The following GCM1 variants were observed in gnomAD, a reference collection of about 807,000 sequenced individuals.
GCM1 encodes the protein GCM transcription factor 1.
GCM1 carries 2 observed loss-of-function variants against 25.7 expected under a neutral mutation model. The observed-to-expected ratio is 0.08, with a 90% CI of 0.03 to 0.24. The LOEUF (loss-of-function observed/expected upper bound fraction) is 0.24. Ranked by LOEUF, GCM1 falls within the 10% of genes least tolerant of loss-of-function variation. The pLI, the probability that GCM1 is intolerant of heterozygous loss-of-function variation, is 1.00. For synonymous variants in GCM1, 183 were observed against 195.7 expected (o/e 0.94, Z 0.54); for missense variants, 395 against 538.7 (o/e 0.73, Z 2.64).
At chr6:53,132,174 A>T (rs915667686) in intron 3 of GCM1, 55 bp from the exon 4 acceptor site, 22 of 1,094,298 alleles carry the variant, frequency 2.0e-5, no homozygotes, top group Non-Finnish European at 2.8e-5. Flanking sequence ...TCGGTTGTTG[A>T]CTCCTGTGCA....
At chr6:53,138,218 A>T (rs1179878738) in intron 2 of GCM1, among the ~76,000 whole-genome samples, 1 of 145,108 alleles carries the variant, frequency 6.9e-6, no homozygotes, top group African/African-American at 2.5e-5. Context: ...GGAGGCAGAG[A>T]TTGCAGTGAG....
intron 2 of GCM1, 116 bp from the exon 3 acceptor site, chr6:53,134,440 C>T: frequency 4.1e-6 from 4 of 973,852 alleles, no homozygotes; most frequent in African/African-American, 1.6e-5. Context: ...GGCAAGAGAC[C>T]TTTGGCAAAA....
chr6:53,139,320 C>T lies in GCM1; in HGVS notation c.76-4996G>A, dbSNP rs1763841836. ...ACTGGAAATAAAACTCCAAGTGTTA[C>T]CAAGGAAAAAAATTGAATTCAACAA... is the stretch of plus-strand genomic sequence containing the variant. On this transcript the variant is annotated intron_variant, in intron 2 of 5. Transcript: ENST00000259803. Among the ~76,000 whole-genome samples the T allele has an allele frequency of 2.0e-5, 3 of 151,928 alleles. 1 individual carries two copies. The South Asian group carries it at 6.2e-4, about 32-fold the overall frequency.
At position 53,128,924 on chromosome 6, in the gene GCM1, C is replaced by T; in HGVS notation, c.593G>A (p.Ser198Asn). ...ETRSLPGETQ[S>N]QGSLPLTWSF... The stretch of plus-strand genomic sequence containing the variant: ...CCAAGTTAAAGGTAAACTCCCCTGA[C>T]TTTGTGTTTCACCTGGAAGAGACTG... Residue 198 changes from serine (S) to asparagine (N), a missense_variant, in exon 6 of 6, where the codon AGT becomes AAT. Ser to Asn is a conservative substitution (Grantham distance 46). Transcript: ENST00000259803. 1 of 1,613,484 alleles carries T rather than the reference C, an allele frequency of 6.2e-7. No homozygotes were observed. Among genetic ancestry groups the T allele is most frequent in the Non-Finnish European group, 8.5e-7 (1 of 1,179,610 alleles).
Position 53,134,288 on chromosome 6 carries a change from C to G in GCM1, c.112G>C (p.Asp38His). 1 of 1,613,876 alleles carries G rather than the reference C, an allele frequency of 6.2e-7. No homozygotes were observed. ...CTGTAGATGTGTTTGGCATAGGAAT[C>G]TGGCCACTCCTGGAACCAGTCGGTT... ...KKTDWFQEWP[D>H]SYAKHIYSSE... The change falls in exon 3 of 6, where the codon GAT (aspartate) becomes CAT (histidine). Residue 38 changes from aspartate to histidine, a missense_variant. This residue lies in a region of GCM1 where 44 missense variants were observed against 60.8 expected (regional missense o/e 0.72). Transcript: ENST00000259803.
At chr6:53,129,461 A>G (rs1373028248) in intron 5 of GCM1, among the ~76,000 whole-genome samples, 1 of 151,992 alleles carries the variant, frequency 6.6e-6, no homozygotes. Context: ...TTCAGTAGAG[A>G]TGGGGTTTTG....
At chr6:53,138,884 T>C (rs1159703583) in intron 2 of GCM1, among the ~76,000 whole-genome samples, 1 of 152,234 alleles carries the variant, frequency 6.6e-6, no homozygotes, top group Non-Finnish European at 1.5e-5. Context: ...ACACCCTTCA[T>C]ACTCACCTCA....
At chr6:53,141,612 G>A (rs536985038) in intron 2 of GCM1, among the ~76,000 whole-genome samples, 2 of 152,166 alleles carry the variant, frequency 1.3e-5, no homozygotes, top group South Asian at 2.1e-4. Context: ...GTGTGAACCC[G>A]GGAGGTGGAG....
In GCM1 at chr6:53,128,714, A is replaced by C; in HGVS notation, c.803T>G (p.Leu268Trp). 1.2e-6 allele frequency: 2 copies of C among 1,614,142 alleles called. No individual in the cohort carries two copies. Among genetic ancestry groups the C allele is most frequent in the Non-Finnish European group, 1.7e-6 (2 of 1,179,976 alleles). Residue 268 changes from leucine to tryptophan, a missense_variant, in exon 6 of 6, where the codon TTG becomes TGG. Leu to Trp is a moderately conservative substitution (Grantham distance 61, BLOSUM62 -2). Coordinates refer to ENST00000259803, the MANE Select transcript of GCM1 (RefSeq NM_003643.4). The stretch of plus-strand genomic sequence containing the variant: ...ACTACTGTAGGTTCTGCTACTGGAC[A>C]ATTTGCGCTTTTCATAGAGCTTCAT... Reference protein sequence around the residue: ...DPMKLYEKRKLSSSRTYSSGD... With the variant: ...DPMKLYEKRKWSSSRTYSSGD...
chr6:53,140,587 G>A (rs954517569), intron 2 of GCM1, among the ~76,000 whole-genome samples: 2 of 151,254 alleles, frequency 1.3e-5, no homozygotes, highest in Non-Finnish European at 2.9e-5. Flanking sequence ...ATGGCTTGGG[G>A]TGGCTTTGGC....
rs1387102578 is a variant in GCM1 at position 53,130,776 on chromosome 6, T to G, written c.570+27A>C. Reference sequence around the variant, plus strand: ...CACAGGCGTGGCAAGCTACTGCATGTATTGAACATACATAATGAAGGATTA... The same window carrying G: ...CACAGGCGTGGCAAGCTACTGCATGGATTGAACATACATAATGAAGGATTA... On this transcript the variant is annotated intron_variant, in intron 5 of 5. Coordinates refer to ENST00000259803, the MANE Select transcript of GCM1 (RefSeq NM_003643.4). The G allele has an allele frequency of 1.9e-6, 3 of 1,605,486 alleles. No homozygotes were observed. The Admixed American group carries it at 5.1e-5, about 27-fold the overall frequency.
chr6:53,128,774 G>C lies in GCM1; in HGVS notation c.743C>G (p.Thr248Arg). The C allele has an allele frequency of 1.2e-6, 2 of 1,613,164 alleles. No homozygotes were observed. The highest frequency in any genetic ancestry group is 1.7e-6 in the Non-Finnish European group (2 of 1,179,064). Residue 248 changes from threonine to arginine, a missense_variant, in exon 6 of 6, where the codon ACA becomes AGA. Physicochemically the swap from Thr to Arg is moderately conservative, Grantham distance 71 (BLOSUM62 -1). Around this residue, in one of 5 missense-constraint regions of GCM1, gnomAD observed 291 missense variants for 314.6 expected, o/e 0.92. Coordinates refer to ENST00000259803, the MANE Select transcript of GCM1 (RefSeq NM_003643.4). ...AGTGGAAGTCTGGTCAGTCAGATCT[G>C]TGATTCCTCCCAGACCATAACTCTT... ...FSKSYGLGGI[T>R]DLTDQTSTVD...
chr6:53,137,814 C>G (rs1285795073), intron 2 of GCM1, among the ~76,000 whole-genome samples: 1 of 152,130 alleles, frequency 6.6e-6, no homozygotes, highest in Non-Finnish European at 1.5e-5. Context: ...TTAGGCTGGT[C>G]AGAGCCATAG....
At chr6:53,129,489 G>T (rs905950360) in intron 5 of GCM1, among the ~76,000 whole-genome samples, 1 of 152,170 alleles carries the variant, frequency 6.6e-6, no homozygotes, top group African/African-American at 2.4e-5. Flanking sequence ...GGCCAGGCTG[G>T]TCTCGAACTC....
Position 53,128,207 on chromosome 6 carries a change from C to A in GCM1, c.1310G>T (p.Ter437LeuextTer27). ...GGTGCACATAGTGAAAGATTTGGGTCATCTCAAAGGACACAGGTTCAGAAG... is the reference window on the plus strand; with the variant it reads ...GGTGCACATAGTGAAAGATTTGGGTAATCTCAAAGGACACAGGTTCAGAAG... ...DMLLNLCPLR[*>L] The change falls in exon 6 of 6, where the codon TGA becomes TTA. Residue 437 changes from the stop codon to leucine, a stop_lost. Transcript: ENST00000259803. 2 of 1,600,970 alleles carry A rather than the reference C, an allele frequency of 1.2e-6. No individual in the cohort carries two copies. The highest frequency in any genetic ancestry group is 2.2e-5 in the South Asian group (2 of 90,796).
intron 2 of GCM1, among the ~76,000 whole-genome samples, chr6:53,140,298 TAGCACCAAGAC>T (rs1763856166): frequency 6.6e-6 from 1 of 152,174 alleles, no homozygotes; most frequent in Admixed American, 6.5e-5. Context: ...GTTAGCTCCC[TAGCACCAAGAC>T]ACATCTGAGT....
intron 2 of GCM1, 38 bp from the exon 3 acceptor site, chr6:53,134,362 T>C: frequency 6.3e-7 from 1 of 1,597,662 alleles, no homozygotes; most frequent in Non-Finnish European, 8.6e-7. Context: ...TACTTTAAGC[T>C]AGAAAACACA....
intron 2 of GCM1, among the ~76,000 whole-genome samples, chr6:53,140,900 G>C (rs1439325953): frequency 1.3e-5 from 2 of 152,146 alleles, no homozygotes; most frequent in East Asian, 3.8e-4. Context: ...TTTAAATCAA[G>C]ACTAAATCAA....
In GCM1 at chr6:53,127,986, G is replaced by A. The variant is rs1053254645; in HGVS notation, c.*220C>T. The stretch of plus-strand genomic sequence containing the variant: ...AGAGGTTGCAGTGAGCCGAGATGGC[G>A]CCACTGCATTCCTGCCTGGGCAAAA... On this transcript the variant is annotated 3_prime_UTR_variant, in exon 6 of 6. Coordinates refer to ENST00000259803, the MANE Select transcript of GCM1 (RefSeq NM_003643.4). 4.1e-5 allele frequency: 12 copies of A among 294,270 alleles called. No individual in the cohort carries two copies. The highest frequency in any genetic ancestry group is 3.1e-4 in the African/African-American group (11 of 35,114). The allele number at this position is 294,270 out of a possible 1,614,324, so 18.2% of individuals were successfully genotyped here. A position where few individuals can be genotyped will look rare whatever the true frequency, so the allele number is the denominator to read the frequency against.
Sources: allele counts gnomAD v4.1 joint callset (sites outside exome capture counted in the v4.1 genomes callset), GRCh38; gene constraint gnomAD v4.1.1; regional missense constraint gnomAD v4.1.1; transcripts MANE v1.5; gene names NCBI Gene and HGNC (gene_info 2026-07-23, HGNC 2026-07-21).